The following ATRNL1 variants were observed in gnomAD, a reference collection of about 807,000 sequenced individuals.
ATRNL1 encodes the protein attractin-like protein 1.
ATRNL1 carries 95 observed loss-of-function variants against 182.7 expected under a neutral mutation model. The observed-to-expected ratio is 0.52, with a 90% CI of 0.44 to 0.62. The LOEUF is 0.62. Among genes scored for constraint, ATRNL1 ranks in the 20% least tolerant of loss-of-function variants. The probability of loss-of-function intolerance (pLI) is 0.00; values close to 1 mark genes in which losing one functional copy is unlikely to be tolerated. For synonymous variants in ATRNL1, 576 were observed against 568.3 expected (o/e 1.01, Z -0.19); for missense variants, 1,471 against 1,679.5 (o/e 0.88, Z 2.17).
intron 19 of ATRNL1, among the ~76,000 whole-genome samples, chr10:115,380,415 T>C (rs1207326086): frequency 1.3e-5 from 2 of 152,184 alleles, no homozygotes; most frequent in Non-Finnish European, 2.9e-5. Context: ...TCAGTTGTTT[T>C]TACTGTATTC....
intron 26 of ATRNL1, among the ~76,000 whole-genome samples, chr10:115,676,059 G>A (rs1290810008): frequency 6.6e-6 from 1 of 151,896 alleles, no homozygotes; most frequent in African/African-American, 2.4e-5. Context: ...TCTAATAGTC[G>A]TTTCAGTGAC....
chr10:115,419,946 G>A lies in ATRNL1; in HGVS notation c.3270-6304G>A, dbSNP rs782158797. 8.4e-4 allele frequency among the ~76,000 whole-genome samples: 128 copies of A among 152,002 alleles called. 2 individuals are homozygous for A. The highest frequency in any genetic ancestry group is 3.4e-4 in the Non-Finnish European group (23 of 68,014). On this transcript the variant is annotated intron_variant, in intron 20 of 28. Coordinates refer to ENST00000355044, the MANE Select transcript of ATRNL1 (RefSeq NM_207303.4). ...CTAACAGACATTTACAGAGCATTCG[G>A]TCTAACAGCTGCAGAAGGCACAGTC...
At chr10:115,182,784 C>T (rs1416084168) in intron 8 of ATRNL1, among the ~76,000 whole-genome samples, 2 of 151,532 alleles carry the variant, frequency 1.3e-5, no homozygotes, top group East Asian at 3.9e-4. Flanking sequence ...AGAATATTAT[C>T]TATACACCAG....
intron 10 of ATRNL1, among the ~76,000 whole-genome samples, chr10:115,246,092 A>C (rs1326349379): frequency 6.6e-6 from 1 of 152,192 alleles, no homozygotes; most frequent in Non-Finnish European, 1.5e-5. Flanking sequence ...GGATGAACTA[A>C]CATTTATCTA....
chr10:115,923,412 C>T (rs1953127143), intron 28 of ATRNL1, among the ~76,000 whole-genome samples: 1 of 152,132 alleles, frequency 6.6e-6, no homozygotes. Flanking sequence ...CCTTCGCGCC[C>T]AACCCCTCAC....
chr10:115,611,765 C>CA (rs1555019061), intron 26 of ATRNL1, among the ~76,000 whole-genome samples: 1 of 151,986 alleles, frequency 6.6e-6, no homozygotes, highest in Non-Finnish European at 1.5e-5. Flanking sequence ...TATTTCATCT[C>CA]AAAAAATCAA....
chr10:115,287,612 A>G (rs554048548), intron 15 of ATRNL1, among the ~76,000 whole-genome samples: 2 of 152,230 alleles, frequency 1.3e-5, no homozygotes, highest in African/African-American at 4.8e-5. Context: ...TATGGGGTAC[A>G]TAGTGCTGGT....
chr10:115,714,085 T>G (rs1283035931), intron 26 of ATRNL1, among the ~76,000 whole-genome samples: 2 of 151,780 alleles, frequency 1.3e-5, no homozygotes, highest in Middle Eastern at 3.2e-3. Context: ...TTGGCCCTAG[T>G]TGAAGCCCAG....
At chr10:115,425,099 A>G (rs1845824300) in intron 20 of ATRNL1, among the ~76,000 whole-genome samples, 1 of 151,934 alleles carries the variant, frequency 6.6e-6, no homozygotes, top group African/African-American at 2.4e-5. Flanking sequence ...ATTTTTTTCC[A>G]TGAATATAAA....
intron 19 of ATRNL1, among the ~76,000 whole-genome samples, chr10:115,334,827 G>A (rs185000589): frequency 1.2e-3 from 178 of 152,172 alleles, no homozygotes; most frequent in African/African-American, 4.2e-3. Context: ...GCACAGGGTG[G>A]TAGTATAGAG....
intron 26 of ATRNL1, among the ~76,000 whole-genome samples, chr10:115,635,543 T>C (rs1281385840): frequency 6.6e-6 from 1 of 152,166 alleles, no homozygotes; most frequent in Non-Finnish European, 1.5e-5. Flanking sequence ...GAGTGTAAAT[T>C]GGTACAACTC....
Position 115,215,748 on chromosome 10 carries a change from G to T in ATRNL1, c.1400G>T (p.Gly467Val). ...PETKGAIVQG[G>V]YGHTSVYDEI... is the part of the protein sequence containing the mutation. ...ACTAAAGGAGCTATTGTACAAGGTG[G>T]ATATGGCCATACTAGTGTGTATGAT... The change falls in exon 9 of 29, where the codon GGA becomes GTA. Residue 467 changes from glycine to valine, a missense_variant. Around this residue, in one of 3 missense-constraint regions of ATRNL1, gnomAD observed 1,031 missense variants for 1,156.0 expected, o/e 0.89. Transcript: ENST00000355044. The T allele has an allele frequency of 6.2e-7, 1 of 1,608,664 alleles. No homozygotes were observed. The highest frequency in any genetic ancestry group is 8.5e-7 in the Non-Finnish European group (1 of 1,178,082).
intron 19 of ATRNL1, among the ~76,000 whole-genome samples, chr10:115,374,515 CTTCTTTCTTTTT>C (rs1857570177): frequency 7.7e-6 from 1 of 129,834 alleles, no homozygotes; most frequent in Non-Finnish European, 1.6e-5. Flanking sequence ...CTCCTTCTTC[CTTCTTTCTTTTT>C]TTCTTTCTTT....
chr10:115,812,325 A>C (rs1057154214), intron 27 of ATRNL1, among the ~76,000 whole-genome samples: 2 of 152,264 alleles, frequency 1.3e-5, no homozygotes, highest in South Asian at 4.1e-4. Context: ...ATTTGTTTAC[A>C]AGGTTCTTGT....
At chr10:115,825,521 C>A (rs1039185763) in intron 27 of ATRNL1, among the ~76,000 whole-genome samples, 1 of 151,970 alleles carries the variant, frequency 6.6e-6, no homozygotes, top group African/African-American at 2.4e-5. Context: ...TGATCTGCCA[C>A]CCCCACCCCC....
intron 28 of ATRNL1, among the ~76,000 whole-genome samples, chr10:115,856,570 C>T (rs534342839): frequency 5.3e-5 from 8 of 151,838 alleles, no homozygotes; most frequent in East Asian, 1.9e-4. Flanking sequence ...TCGTGGAAGA[C>T]AATTTTCCAC....
chr10:115,865,342 C>T (rs11197462), intron 28 of ATRNL1, among the ~76,000 whole-genome samples: 29,718 of 151,974 alleles, frequency 0.2, 2,892 homozygotes, highest in South Asian at 0.28. Context: ...TGCAGTGTTC[C>T]TGCATGTCTA....
chr10:115,740,442 G>A (rs1555067326), intron 27 of ATRNL1, among the ~76,000 whole-genome samples: 1 of 152,110 alleles, frequency 6.6e-6, no homozygotes, highest in African/African-American at 2.4e-5. Context: ...GGCTGAGGTG[G>A]GAGGATCATA....
chr10:115,833,074 A>G lies in ATRNL1; in HGVS notation c.3904-14803A>G, dbSNP rs1278726188. Among the ~76,000 whole-genome samples the G allele has an allele frequency of 2.6e-5, 4 of 152,210 alleles. No individual in the cohort carries two copies. The East Asian group carries it at 5.8e-4, about 22-fold the overall frequency. ...AATTCAAATAGCAAACTAAGAATGT[A>G]TGGTGTTCATTTGTAATAAGCAGGA... On this transcript the variant is annotated intron_variant, in intron 27 of 28. Coordinates refer to ENST00000355044, the MANE Select transcript of ATRNL1 (RefSeq NM_207303.4).
Sources: gnomAD v4.1 joint callset for allele counts (sites outside exome capture counted in the v4.1 genomes callset) on GRCh38, gnomAD v4.1.1 for gene constraint, gnomAD v4.1.1 regional missense constraint, MANE v1.5 for transcripts, NCBI Gene and HGNC (gene_info 2026-07-23, HGNC 2026-07-21) for gene names.